Variants in CDH13 observed in about 807,000 individuals in gnomAD.
CDH13 encodes cadherin-13.
In CDH13, 24 loss-of-function variants were observed where a neutral mutation model predicts 63.8. The observed-to-expected ratio is 0.38, with a 90% confidence interval of 0.27 to 0.53. The LOEUF (loss-of-function observed/expected upper bound fraction) is 0.53, where lower values mean the gene tolerates loss of function less well. Ranked by LOEUF, CDH13 falls within the 20% of genes least tolerant of loss-of-function variation. CDH13 has a pLI of 0.85. For synonymous variants in CDH13, 503 were observed against 355.3 expected (o/e 1.42, Z -4.67); for missense variants, 1,049 against 903.1 (o/e 1.16, Z -2.07).
rs560579591 is a variant in CDH13 at position 83,193,521 on chromosome 16, G to T, written c.484-23824G>T. Reference sequence around the variant, plus strand: ...CCTAGGTTCTCTATAGGATGGGGAGGTATAAGGACTCCTTTCTATGCAGTG... The same window carrying T: ...CCTAGGTTCTCTATAGGATGGGGAGTTATAAGGACTCCTTTCTATGCAGTG... On this transcript the variant is annotated intron_variant, in intron 4 of 13. Transcript: ENST00000567109. Among the ~76,000 whole-genome samples the T allele has an allele frequency of 3.9e-5, 6 of 152,280 alleles. No individual in the cohort carries two copies. In the South Asian group the frequency reaches 6.2e-4, roughly 16 times the overall value.
At chr16:82,942,585 T>G (rs1176825641) in intron 2 of CDH13, among the ~76,000 whole-genome samples, 1 of 152,198 alleles carries the variant, frequency 6.6e-6, no homozygotes, top group East Asian at 1.9e-4. Flanking sequence ...GGGCATGCCC[T>G]GCTTGGCAGT....
intron 2 of CDH13, among the ~76,000 whole-genome samples, chr16:82,937,412 T>TACACATGCACACACACACAC (rs1287266040): frequency 2.0e-5 from 3 of 150,952 alleles, no homozygotes; most frequent in Non-Finnish European, 4.4e-5. Flanking sequence ...CTCACACACA[T>TACACATGCACACACACACAC]ACACATGCAC....
chr16:82,706,079 C>T (rs1415956926), intron 1 of CDH13, among the ~76,000 whole-genome samples: 1 of 151,978 alleles, frequency 6.6e-6, no homozygotes, highest in East Asian at 1.9e-4. Context: ...CTCTTCCTCC[C>T]TTTCTTCTTC....
At chr16:83,354,141 C>T (rs376243350) in intron 6 of CDH13, among the ~76,000 whole-genome samples, 23 of 152,216 alleles carry the variant, frequency 1.5e-4, no homozygotes, top group Admixed American at 8.5e-4. Context: ...AAATTGGTGA[C>T]GGTTGAGCAG....
At position 83,748,158 on chromosome 16, in the gene CDH13, A is replaced by T. The variant is rs949898354; in HGVS notation, c.1589A>T (p.Asn530Ile). Residue 530 changes from asparagine to isoleucine, a missense_variant, in exon 11 of 14, where the codon AAT (asparagine) becomes ATT (isoleucine). Physicochemically the swap from Asn to Ile is moderately radical, Grantham distance 149. Transcript: ENST00000567109. ...GGTTGGCTGAATATTAACCCCATCA[A>T]TGGGACTGTTGACACCACAGCTGTG... ...PAGWLNINPI[N>I]GTVDTTAVLD... 2 of 1,613,824 alleles carry T rather than the reference A, an allele frequency of 1.2e-6. No individual in the cohort carries two copies. Among genetic ancestry groups the T allele is most frequent in the African/African-American group, 2.7e-5 (2 of 74,922 alleles).
chr16:83,270,607 G>A (rs558702016), intron 5 of CDH13, among the ~76,000 whole-genome samples: 1 of 152,220 alleles, frequency 6.6e-6, no homozygotes, highest in African/African-American at 2.4e-5. Flanking sequence ...GAATGGATGC[G>A]GATCCTGTAT....
intron 6 of CDH13, among the ~76,000 whole-genome samples, chr16:83,453,216 G>A (rs1315096690): frequency 6.6e-6 from 1 of 152,052 alleles, no homozygotes; most frequent in Non-Finnish European, 1.5e-5. Flanking sequence ...GGATTCGGGG[G>A]AAAGGGTGGG....
In CDH13 at chr16:83,799,931, G is replaced by C. The variant is rs895117799; in HGVS notation, c.*4901G>C. ...GTGTGTGTATGAGGGTTTCAGATAA[G>C]AACTTCAATTATATAATTTAAGAAG... On this transcript the variant is annotated 3_prime_UTR_variant, in exon 14 of 14. Transcript: ENST00000567109. 2 of 145,976 alleles carry C rather than the reference G, an allele frequency of 1.4e-5. No homozygotes were observed. The highest frequency in any genetic ancestry group is 5.0e-5 in the African/African-American group (2 of 40,306). 9.0% of individuals were successfully genotyped at this position (145,976 alleles called of 1,614,324 possible). A position where few individuals can be genotyped will look rare whatever the true frequency, so the allele number is the denominator to read the frequency against.
chr16:82,905,167 C>A (rs531936013), intron 2 of CDH13, among the ~76,000 whole-genome samples: 1 of 152,126 alleles, frequency 6.6e-6, no homozygotes, highest in Non-Finnish European at 1.5e-5. Flanking sequence ...CTGTAACCAT[C>A]CGGTGTGTTT....
At chr16:83,442,195 C>A (rs1007029282) in intron 6 of CDH13, among the ~76,000 whole-genome samples, 3 of 152,120 alleles carry the variant, frequency 2.0e-5, no homozygotes, top group African/African-American at 4.8e-5. Flanking sequence ...TTAATGGGCA[C>A]CTATCGTTTA....
At chr16:83,450,340 G>A (rs1350939870) in intron 6 of CDH13, among the ~76,000 whole-genome samples, 2 of 152,174 alleles carry the variant, frequency 1.3e-5, no homozygotes, top group Non-Finnish European at 2.9e-5. Context: ...GGTCCCTGGG[G>A]TTGGACCAGC....
rs1314754750 is a variant in CDH13, at chr16:83,797,500, G to A, written c.*2470G>A. 1.3e-5 allele frequency: 2 copies of A among 152,104 alleles called. No individual in the cohort carries two copies. Among genetic ancestry groups the A allele is most frequent in the African/African-American group, 2.4e-5 (1 of 41,396 alleles). 9.4% of individuals were successfully genotyped at this position (152,104 alleles called of 1,614,324 possible). On this transcript the variant is annotated 3_prime_UTR_variant, in exon 14 of 14. Transcript: ENST00000567109. Reference sequence around the variant, plus strand: ...TTCTAATCAGGACAGAGATACTTCTGTCATGTTGTTCCTCCTAATAGTTTC... The same window carrying A: ...TTCTAATCAGGACAGAGATACTTCTATCATGTTGTTCCTCCTAATAGTTTC...
intron 2 of CDH13, among the ~76,000 whole-genome samples, chr16:82,919,124 G>A (rs1014169725): frequency 8.6e-5 from 13 of 151,862 alleles, no homozygotes; most frequent in Admixed American, 3.3e-4. Context: ...TCAATTTTTT[G>A]TTGGCCTATA....
At position 83,228,310 on chromosome 16, in the gene CDH13, C is replaced by G. The variant is rs1419367259; in HGVS notation, c.636+10813C>G. ...GACAGTCCCCACACGTCCGCAGGGC[C>G]GTGCTCTGCAGGCTCCTTGCATGGC... On this transcript the variant is annotated intron_variant, in intron 5 of 13. Transcript: ENST00000567109. Among the ~76,000 whole-genome samples, 4 of 152,204 alleles carry G rather than the reference C, an allele frequency of 2.6e-5. No individual in the cohort carries two copies. The East Asian group carries it at 7.7e-4, about 29-fold the overall frequency.
chr16:83,218,769 T>C (rs942500513), intron 5 of CDH13, among the ~76,000 whole-genome samples: 1 of 152,192 alleles, frequency 6.6e-6, no homozygotes, highest in East Asian at 1.9e-4. Context: ...TCATCTTGAA[T>C]TGTAGCTCTG....
chr16:82,751,149 C>G (rs1216698342), intron 1 of CDH13, among the ~76,000 whole-genome samples: 1 of 152,052 alleles, frequency 6.6e-6, no homozygotes, highest in Non-Finnish European at 1.5e-5. Context: ...CAGATGTGTA[C>G]CAGTTGATGT....
intron 6 of CDH13, among the ~76,000 whole-genome samples, chr16:83,405,446 ATGT>A (rs2092027946): frequency 6.6e-6 from 1 of 152,184 alleles, no homozygotes; most frequent in Non-Finnish European, 1.5e-5. Context: ...AGGAAAGGTG[ATGT>A]TGTCCTGCTG....
intron 3 of CDH13, among the ~76,000 whole-genome samples, chr16:83,120,960 C>T (rs965627184): frequency 1.3e-5 from 2 of 152,070 alleles, no homozygotes; most frequent in Non-Finnish European, 2.9e-5. Flanking sequence ...GACGGGGTTT[C>T]ACCTTGTTGG....
At chr16:83,112,168 A>G (rs1168859436) in intron 3 of CDH13, among the ~76,000 whole-genome samples, 1 of 152,200 alleles carries the variant, frequency 6.6e-6, no homozygotes, top group Non-Finnish European at 1.5e-5. Flanking sequence ...GTCTGCATTA[A>G]TTAATTTTTC....
Sources: gnomAD v4.1 joint callset for allele counts (sites outside exome capture counted in the v4.1 genomes callset) on GRCh38, gnomAD v4.1.1 for gene constraint, MANE v1.5 for transcripts, NCBI Gene and HGNC (gene_info 2026-07-23, HGNC 2026-07-21) for gene names.